MAP3K7CL: variants seen among roughly 807,000 people sequenced by gnomAD.
The protein encoded by MAP3K7CL is MAP3K7 C-terminal-like protein.
In MAP3K7CL, 16 loss-of-function variants were observed where a neutral mutation model predicts 18.6. The ratio of observed to expected loss-of-function variants is 0.86; its 90% CI spans 0.58 to 1.31. The LOEUF (loss-of-function observed/expected upper bound fraction) is 1.31. Ranked by LOEUF, MAP3K7CL falls within the 50% of genes most tolerant of loss-of-function variation. The pLI, the probability that MAP3K7CL is intolerant of heterozygous loss-of-function variation, is 0.00. For missense variants in MAP3K7CL, 163 were observed against 174.4 expected (o/e 0.93, Z 0.37); for synonymous variants, 65 against 66.8 (o/e 0.97, Z 0.13).
chr21:29,173,826 C>T (rs566845676), intron 4 of MAP3K7CL, among the ~76,000 whole-genome samples: 3 of 152,208 alleles, frequency 2.0e-5, no homozygotes, highest in East Asian at 3.9e-4. Context: ...CACAGCCTCC[C>T]GAGTAGCTGG....
At chr21:29,090,951 T>C (rs2146498896) in intron 1 of MAP3K7CL, among the ~76,000 whole-genome samples, 1 of 152,358 alleles carries the variant, frequency 6.6e-6, no homozygotes, top group Admixed American at 6.5e-5. Context: ...CATTTTAAAA[T>C]ATTTTATTTA....
intron 3 of MAP3K7CL, among the ~76,000 whole-genome samples, chr21:29,154,748 T>C (rs1404115231): frequency 1.3e-5 from 2 of 152,240 alleles, no homozygotes; most frequent in Non-Finnish European, 2.9e-5. Flanking sequence ...TATATTCTCA[T>C]AGAAAGCACC....
intron 4 of MAP3K7CL, among the ~76,000 whole-genome samples, chr21:29,165,278 TAGAC>T (rs770637614): frequency 1.3e-4 from 20 of 152,282 alleles, no homozygotes; most frequent in South Asian, 6.2e-4. Flanking sequence ...GTCAGAAAAA[TAGAC>T]AGACTCTTAG....
chr21:29,103,058 G>A (rs1050341450), intron 4 of MAP3K7CL, among the ~76,000 whole-genome samples: 53 of 152,220 alleles, frequency 3.5e-4, no homozygotes, highest in African/African-American at 1.2e-3. Context: ...CATAGAAACT[G>A]TGAGAGGTAA....
Position 29,092,557 on chromosome 21 carries a change from G to A in MAP3K7CL, c.346G>A (p.Val116Met), listed in dbSNP as rs78392474. 741 of 1,614,124 alleles carry A rather than the reference G, an allele frequency of 4.6e-4. 3 individuals carry two copies. In the African/African-American group the frequency reaches 8.5e-3, roughly 18 times the overall value. The change falls in exon 4 of 7, where the codon GTG becomes ATG. Residue 116 changes from valine to methionine, a missense_variant. Physicochemically the swap from Val to Met is conservative, Grantham distance 21. Coordinates refer to the MAP3K7CL transcript ENST00000286791. The stretch of plus-strand genomic sequence containing the variant: ...GAAGCCAAAGTCTATTACTGTGCCC[G>A]TGGAAATCCCCAGCTCCCCTCTGGG...
chr21:29,111,269 AC>A (rs2146560268), intron 4 of MAP3K7CL, among the ~76,000 whole-genome samples: 1 of 123,710 alleles, frequency 8.1e-6, no homozygotes, highest in East Asian at 3.0e-4. Flanking sequence ...AAAAGAAAAA[AC>A]AAAACAACAA....
rs560065961 is a variant in MAP3K7CL at position 29,137,264 on chromosome 21, T to C, written c.70+3850T>C. Among the ~76,000 whole-genome samples, 5 of 152,360 alleles carry C rather than the reference T, an allele frequency of 3.3e-5. No homozygotes were observed. In the East Asian group the frequency reaches 7.7e-4, roughly 23 times the overall value. ...ATTTAGGGACTAGTTATGCAGTTAATAGATTGTTCATATCCTATTTTACCT... is the reference window on the plus strand; with the variant it reads ...ATTTAGGGACTAGTTATGCAGTTAACAGATTGTTCATATCCTATTTTACCT... On this transcript the variant is annotated intron_variant, in intron 2 of 4. Transcript: ENST00000399928.
At chr21:29,174,560 GACAA>G in intron 4 of MAP3K7CL, 148 bp from the exon 5 acceptor site, 1 of 931,784 alleles carries the variant, frequency 1.1e-6, no homozygotes, top group Non-Finnish European at 1.6e-6. Context: ...TGCAAAGCTG[GACAA>G]ATAAAAGTCA....
upstream of MAP3K7CL, among the ~76,000 whole-genome samples, chr21:29,084,596 T>A (rs2085892419): frequency 6.6e-6 from 1 of 152,222 alleles, no homozygotes; most frequent in Non-Finnish European, 1.5e-5. Context: ...CAAGGGAGGA[T>A]CTATGTGTCT....
At chr21:29,129,045 T>C (rs187216282), upstream of MAP3K7CL, among the ~76,000 whole-genome samples, 1 of 152,340 alleles carries the variant, frequency 6.6e-6, no homozygotes, top group Admixed American at 6.5e-5. Flanking sequence ...TTTACTTGTA[T>C]ATTTAATACC....
Position 29,141,014 on chromosome 21 carries a change from C to A in MAP3K7CL, c.70+7600C>A, listed in dbSNP as rs572368936. 1.4e-3 allele frequency among the ~76,000 whole-genome samples: 210 copies of A among 152,294 alleles called. 1 individual carries two copies. Among genetic ancestry groups the A allele is most frequent in the Middle Eastern group, 0.014 (4 of 294 alleles). ...CTGGGCTTGGACTCCTGGGCTCAAGCAATCCACTCACGTCAGCCTCCCAAA... is the reference window on the plus strand; with the variant it reads ...CTGGGCTTGGACTCCTGGGCTCAAGAAATCCACTCACGTCAGCCTCCCAAA... On this transcript the variant is annotated intron_variant, in intron 2 of 4. Transcript: ENST00000399928.
intron 2 of MAP3K7CL, among the ~76,000 whole-genome samples, chr21:29,138,613 T>C (rs1325392169): frequency 6.6e-6 from 1 of 152,214 alleles, no homozygotes; most frequent in Non-Finnish European, 1.5e-5. Flanking sequence ...TTTAGAATAG[T>C]TTTTTGTTTC....
At chr21:29,078,414 G>C (rs1391467777) in intron 1 of MAP3K7CL, among the ~76,000 whole-genome samples, 1 of 152,104 alleles carries the variant, frequency 6.6e-6, no homozygotes, top group Non-Finnish European at 1.5e-5. Context: ...CACTTTCTGA[G>C]TTTGGAAACA....
At chr21:29,109,464 C>G (rs2086382092) in intron 4 of MAP3K7CL, 3 of 1,175,924 alleles carry the variant, frequency 2.6e-6, no homozygotes, top group Non-Finnish European at 3.2e-6. Flanking sequence ...ACCCCCATCT[C>G]AGCATTCGGT....
intron 4 of MAP3K7CL, among the ~76,000 whole-genome samples, chr21:29,123,063 T>A (rs1406704426): frequency 4.8e-5 from 7 of 144,754 alleles, no homozygotes; most frequent in African/African-American, 1.3e-4. Context: ...ATCTTTTTTT[T>A]TTTTTTTTTT....
chr21:29,114,823 C>A (rs536854924), intron 4 of MAP3K7CL, among the ~76,000 whole-genome samples: 1 of 152,272 alleles, frequency 6.6e-6, no homozygotes, highest in African/African-American at 2.4e-5. Context: ...CATTCCATCC[C>A]CTTGAGCTCA....
upstream of MAP3K7CL, chr21:29,077,430 C>G (rs964679048): frequency 1.3e-5 from 2 of 153,200 alleles, no homozygotes; most frequent in Non-Finnish European, 1.5e-5. Flanking sequence ...TCCGCGGGGC[C>G]CACGCCCACC....
intron 2 of MAP3K7CL, among the ~76,000 whole-genome samples, chr21:29,146,519 G>A (rs1370727291): frequency 6.6e-6 from 1 of 152,122 alleles, no homozygotes; most frequent in Non-Finnish European, 1.5e-5. Flanking sequence ...ACAGTAATTG[G>A]CAGAATTTGT....
intron 4 of MAP3K7CL, among the ~76,000 whole-genome samples, chr21:29,095,783 C>T (rs933268573): frequency 5.9e-5 from 9 of 152,108 alleles, no homozygotes; most frequent in African/African-American, 2.2e-4. Context: ...CTGAAAAGCT[C>T]CTGGAGGGAT....
Sources: allele counts gnomAD v4.1 joint callset (sites outside exome capture counted in the v4.1 genomes callset), GRCh38; gene constraint gnomAD v4.1.1; transcripts MANE v1.5; gene names NCBI Gene and HGNC (gene_info 2026-07-23, HGNC 2026-07-21).